Variants in CACNA2D3 observed in about 807,000 individuals in gnomAD.
CACNA2D3 encodes the protein calcium voltage-gated channel auxiliary subunit alpha2delta 3.
In CACNA2D3, 60 loss-of-function variants were observed where a neutral mutation model predicts 160.6. The ratio of observed to expected loss-of-function variants is 0.37; its 90% CI spans 0.30 to 0.46. The LOEUF (loss-of-function observed/expected upper bound fraction) is 0.46, where lower values mean the gene tolerates loss of function less well. Among genes scored for constraint, CACNA2D3 ranks in the 20% least tolerant of loss-of-function variants. The probability of loss-of-function intolerance (pLI) is 1.00; values close to 1 mark genes in which losing one functional copy is unlikely to be tolerated. For missense variants in CACNA2D3, 1,205 were observed against 1,365.0 expected (o/e 0.88, Z 1.85); for synonymous variants, 558 against 492.9 (o/e 1.13, Z -1.75).
intron 24 of CACNA2D3, among the ~76,000 whole-genome samples, chr3:54,890,341 A>C (rs560361935): frequency 2.3e-4 from 35 of 151,992 alleles, no homozygotes; most frequent in Non-Finnish European, 4.4e-4. Flanking sequence ...CTAAAAATAC[A>C]AAAAATAAGC....
intron 3 of CACNA2D3, among the ~76,000 whole-genome samples, chr3:54,347,836 C>G (rs1698486291): frequency 6.6e-6 from 1 of 152,110 alleles, no homozygotes; most frequent in African/African-American, 2.4e-5. Flanking sequence ...ACCTCAATTT[C>G]CTTCCACTTG....
intron 2 of CACNA2D3, among the ~76,000 whole-genome samples, chr3:54,216,586 A>G (rs1299737096): frequency 6.6e-6 from 1 of 152,206 alleles, no homozygotes; most frequent in Non-Finnish European, 1.5e-5. Flanking sequence ...TAGATGAGGA[A>G]AAAGCATTTC....
intron 17 of CACNA2D3, among the ~76,000 whole-genome samples, chr3:54,856,452 C>T (rs1699172764): frequency 6.6e-6 from 1 of 152,062 alleles, no homozygotes; most frequent in Admixed American, 6.5e-5. Flanking sequence ...TTCCTTTTTC[C>T]TCCCATCTTT....
intron 4 of CACNA2D3, among the ~76,000 whole-genome samples, chr3:54,430,456 A>G (rs573621086): frequency 1.3e-5 from 2 of 152,342 alleles, no homozygotes; most frequent in South Asian, 4.1e-4. Context: ...TTTGTGATTT[A>G]TAACTCTTTG....
rs78708358 is a variant in CACNA2D3, at chr3:54,881,761, A to G, written c.1912+898A>G. Among the ~76,000 whole-genome samples, 950 of 152,296 alleles carry G rather than the reference A, an allele frequency of 6.2e-3. 29 individuals are homozygous for G. The highest frequency in any genetic ancestry group is 0.058 in the East Asian group (301 of 5,164). On this transcript the variant is annotated intron_variant, in intron 21 of 37. Transcript: ENST00000474759. ...AGCCAGGAATGGGAAGGTCAATTAT[A>G]AGCAAAGTTTTAATTGGTCGGAACT...
intron 27 of CACNA2D3, among the ~76,000 whole-genome samples, chr3:54,917,661 T>C (rs944862309): frequency 3.3e-5 from 5 of 152,238 alleles, no homozygotes; most frequent in Non-Finnish European, 7.3e-5. Flanking sequence ...GTAAGAGTTA[T>C]AAATGGAAGG....
intron 35 of CACNA2D3, among the ~76,000 whole-genome samples, chr3:55,066,594 G>A (rs746338788): frequency 2.0e-5 from 3 of 152,042 alleles, no homozygotes; most frequent in East Asian, 1.9e-4. Context: ...GATAGTGTGC[G>A]GCAAATACTC....
intron 4 of CACNA2D3, among the ~76,000 whole-genome samples, chr3:54,490,454 A>C (rs764760945): frequency 6.6e-6 from 1 of 152,214 alleles, no homozygotes; most frequent in Non-Finnish European, 1.5e-5. Context: ...AGGTCCATCT[A>C]ATTCTTCCTC....
intron 14 of CACNA2D3, among the ~76,000 whole-genome samples, chr3:54,826,921 A>G (rs906229462): frequency 3.3e-5 from 5 of 152,240 alleles, no homozygotes; most frequent in African/African-American, 4.8e-5. Flanking sequence ...AATGGTCTTT[A>G]TGAGATTAAT....
At chr3:54,551,452 C>T (rs908322652) in intron 5 of CACNA2D3, among the ~76,000 whole-genome samples, 2 of 151,876 alleles carry the variant, frequency 1.3e-5, no homozygotes, top group Admixed American at 6.6e-5. Context: ...GATTTAATAC[C>T]CTTTGGGTGG....
intron 17 of CACNA2D3, among the ~76,000 whole-genome samples, chr3:54,870,403 C>G (rs553379269): frequency 2.0e-5 from 3 of 152,098 alleles, no homozygotes; most frequent in Non-Finnish European, 4.4e-5. Flanking sequence ...AAAAGATGAC[C>G]AAGCTGGAGA....
rs147845422 is a variant in CACNA2D3, at chr3:54,470,676, T to G, written c.382-32816T>G. On this transcript the variant is annotated intron_variant, in intron 4 of 37. Transcript: ENST00000474759. Reference sequence around the variant, plus strand: ...AGTCAAGACCCTTCAGTGTGCTGTATTCAAAGGCACCCATAGGCTCAAAAT... The same window carrying G: ...AGTCAAGACCCTTCAGTGTGCTGTAGTCAAAGGCACCCATAGGCTCAAAAT... Among the ~76,000 whole-genome samples the G allele has an allele frequency of 5.8e-4, 89 of 152,246 alleles. 1 individual carries two copies. The highest frequency in any genetic ancestry group is 2.1e-3 in the African/African-American group (86 of 41,564).
chr3:54,867,449 A>G (rs902669164), intron 17 of CACNA2D3, among the ~76,000 whole-genome samples: 1 of 152,032 alleles, frequency 6.6e-6, no homozygotes, highest in African/African-American at 2.4e-5. Context: ...ATTCATTTGA[A>G]AAGAAAAAAA....
At chr3:54,197,691 G>A (rs1701106410) in intron 2 of CACNA2D3, among the ~76,000 whole-genome samples, 1 of 152,154 alleles carries the variant, frequency 6.6e-6, no homozygotes, top group African/African-American at 2.4e-5. Context: ...TTTGGGAACT[G>A]CTCTTGTGTA....
chr3:54,400,136 C>T (rs1462988379), intron 4 of CACNA2D3, among the ~76,000 whole-genome samples: 1 of 145,512 alleles, frequency 6.9e-6, no homozygotes, highest in Non-Finnish European at 1.5e-5. Context: ...CCAGGTGAGG[C>T]AATGCCTCGC....
At chr3:54,591,852 T>C (rs1171988887) in intron 9 of CACNA2D3, among the ~76,000 whole-genome samples, 1 of 151,576 alleles carries the variant, frequency 6.6e-6, no homozygotes, top group East Asian at 1.9e-4. Flanking sequence ...ATGCTAGTCT[T>C]CTGTCCTGAG....
chr3:54,509,359 G>A (rs1701422774), intron 5 of CACNA2D3, among the ~76,000 whole-genome samples: 1 of 152,098 alleles, frequency 6.6e-6, no homozygotes, highest in Admixed American at 6.6e-5. Flanking sequence ...GAACAAGAGT[G>A]ACTGACCCCA....
intron 35 of CACNA2D3, among the ~76,000 whole-genome samples, chr3:55,044,772 G>C (rs1704039999): frequency 6.6e-6 from 1 of 152,036 alleles, no homozygotes; most frequent in Non-Finnish European, 1.5e-5. Context: ...CCTTTATCAA[G>C]TTAAGGGAGT....
chr3:54,493,152 G>A lies in CACNA2D3; in HGVS notation c.382-10340G>A, dbSNP rs1429542087. ...GAGTACAGTGGCACAATCTCGGCTCGCTGCAACCTCCGCCTCCTGGGTTCA... is the reference window on the plus strand; with the variant it reads ...GAGTACAGTGGCACAATCTCGGCTCACTGCAACCTCCGCCTCCTGGGTTCA... On this transcript the variant is annotated intron_variant, in intron 4 of 37. Transcript: ENST00000474759. Among the ~76,000 whole-genome samples, 14 of 122,642 alleles carry A rather than the reference G, an allele frequency of 1.1e-4. 1 individual carries two copies. In the South Asian group the frequency reaches 3.5e-3, roughly 31 times the overall value. The allele number at this position is 122,642 out of a possible 152,430, so 80.5% of individuals were successfully genotyped here. A position where few individuals can be genotyped will look rare whatever the true frequency, so the allele number is the denominator to read the frequency against.
Sources: gnomAD v4.1 joint callset for allele counts (sites outside exome capture counted in the v4.1 genomes callset) on GRCh38, gnomAD v4.1.1 for gene constraint, MANE v1.5 for transcripts, NCBI Gene and HGNC (gene_info 2026-07-23, HGNC 2026-07-21) for gene names.